Variants in ASXL3 observed in about 807,000 individuals in gnomAD.
ASXL3 encodes the protein ASXL transcriptional regulator 3.
Under a neutral mutation model 170.6 loss-of-function variants are expected in ASXL3, and 34 were observed. The ratio of observed to expected loss-of-function variants is 0.20; its 90% CI spans 0.15 to 0.27. ASXL3 has a LOEUF of 0.27. Among genes scored for constraint, ASXL3 ranks in the 10% least tolerant of loss-of-function variants. The pLI, the probability that ASXL3 is intolerant of heterozygous loss-of-function variation, is 1.00. For synonymous variants in ASXL3, 1,002 were observed against 989.1 expected (o/e 1.01, Z -0.24); for missense variants, 2,592 against 2,695.3 (o/e 0.96, Z 0.85).
rs1265524560 is a variant in ASXL3 at position 33,744,718 on chromosome 18, C to T, written c.4870C>T (p.His1624Tyr). Residue 1624 changes from histidine (H) to tyrosine (Y), a missense_variant, in exon 12 of 12, where the codon CAC becomes TAC. His to Tyr is a moderately conservative substitution (Grantham distance 83). This residue lies in a region of ASXL3 where 2,246 missense variants were observed against 2,219.6 expected (regional missense o/e 1.01). Coordinates refer to ENST00000269197, the MANE Select transcript of ASXL3 (RefSeq NM_030632.3). ...MRSTGQPLVT[H>Y]SGSSKQKEYL... ...GAGCACAGGACAGCCTCTGGTTACTCACTCGGGTTCAAGTAAACAAAAAGA... is the reference window on the plus strand; with the variant it reads ...GAGCACAGGACAGCCTCTGGTTACTTACTCGGGTTCAAGTAAACAAAAAGA... 1.9e-6 allele frequency: 3 copies of T among 1,613,020 alleles called. No homozygotes were observed. Among genetic ancestry groups the T allele is most frequent in the Non-Finnish European group, 2.5e-6 (3 of 1,179,454 alleles).
rs567969303 is a variant in ASXL3 at position 33,590,111 on chromosome 18, G to GTTTTTTTTTTTTTTTTTTTTTTTTTTT, written c.54+11445_54+11446insTTTTTTTTTTTTTTTTTTTTTTTTTTT. On this transcript the variant is annotated intron_variant, in intron 1 of 11. Coordinates refer to ENST00000269197, the MANE Select transcript of ASXL3 (RefSeq NM_030632.3). ...TGTCGTCAAGGTATTTGCTTTCTAT[G>GTTTTTTTTTTTTTTTTTTTTTTTTTTT]TTTTTTTTTTTTTTTTTTTGCTTTG... is the stretch of plus-strand genomic sequence containing the variant. Among the ~76,000 whole-genome samples, 62 of 83,160 alleles carry GTTTTTTTTTTTTTTTTTTTTTTTTTTT rather than the reference G, an allele frequency of 7.5e-4. 3 individuals carry two copies. Among genetic ancestry groups the GTTTTTTTTTTTTTTTTTTTTTTTTTTT allele is most frequent in the African/African-American group, 2.3e-3 (34 of 14,540 alleles). 54.6% of individuals were successfully genotyped at this position (83,160 alleles called of 152,430 possible). A position where few individuals can be genotyped will look rare whatever the true frequency, so the allele number is the denominator to read the frequency against.
At chr18:33,693,303 CAGTT>C (rs2066716040) in intron 8 of ASXL3, among the ~76,000 whole-genome samples, 2 of 151,898 alleles carry the variant, frequency 1.3e-5, no homozygotes, top group African/African-American at 4.8e-5. Context: ...AAAATTGAGG[CAGTT>C]AATTGGAGAA....
intron 5 of ASXL3, among the ~76,000 whole-genome samples, chr18:33,664,266 G>C (rs1474719173): frequency 6.6e-6 from 1 of 152,150 alleles, no homozygotes; most frequent in Non-Finnish European, 1.5e-5. Context: ...CAGAACCGTA[G>C]TTTCAGATTC....
chr18:33,606,132 T>A (rs537573769), intron 1 of ASXL3, among the ~76,000 whole-genome samples: 1 of 152,094 alleles, frequency 6.6e-6, no homozygotes, highest in South Asian at 2.1e-4. Flanking sequence ...TGCAGTTTCC[T>A]TATTGCCTTT....
intron 8 of ASXL3, among the ~76,000 whole-genome samples, chr18:33,717,298 C>A (rs2067180113): frequency 6.6e-6 from 1 of 152,078 alleles, no homozygotes; most frequent in Non-Finnish European, 1.5e-5. Context: ...ATTGTTGCTT[C>A]TTAAATATCA....
intron 1 of ASXL3, among the ~76,000 whole-genome samples, chr18:33,582,455 G>A (rs1436672094): frequency 6.6e-6 from 1 of 152,088 alleles, no homozygotes; most frequent in African/African-American, 2.4e-5. Context: ...TTTGAGAAGT[G>A]CTTTTTGATA....
chr18:33,686,883 C>G (rs907978641), intron 8 of ASXL3, among the ~76,000 whole-genome samples: 1 of 152,116 alleles, frequency 6.6e-6, no homozygotes, highest in Non-Finnish European at 1.5e-5. Context: ...TCCTTAATTT[C>G]TTTTTTGGGA....
intron 1 of ASXL3, among the ~76,000 whole-genome samples, chr18:33,593,564 G>T (rs4344827): frequency 0.42 from 63,856 of 151,928 alleles, 13,743 homozygotes; most frequent in Middle Eastern, 0.48. Flanking sequence ...GGAATGTGTT[G>T]ACCACATGCA....
chr18:33,682,015 A>G (rs1192760534), intron 7 of ASXL3, among the ~76,000 whole-genome samples: 1 of 152,096 alleles, frequency 6.6e-6, no homozygotes, highest in Non-Finnish European at 1.5e-5. Context: ...CTGTTCTTTT[A>G]TCATGGTATC....
rs1252020320 is a variant in ASXL3 at position 33,652,536 on chromosome 18, T to G, written c.355+6183T>G. 3.5e-5 allele frequency among the ~76,000 whole-genome samples: 5 copies of G among 143,676 alleles called. No homozygotes were observed. The Admixed American group carries it at 3.6e-4, about 10-fold the overall frequency. The allele number at this position is 143,676 out of a possible 152,430, so 94.3% of individuals were successfully genotyped here. On this transcript the variant is annotated intron_variant, in intron 4 of 11. Transcript: ENST00000269197. The stretch of plus-strand genomic sequence containing the variant: ...AAAAGGTTCTGCTTGCTATTAACCC[T>G]AATGGCTTTCAGGGAGGAAGCAGCA...
chr18:33,730,949 G>A (rs1477060824), intron 8 of ASXL3, among the ~76,000 whole-genome samples: 2 of 152,100 alleles, frequency 1.3e-5, no homozygotes, highest in African/African-American at 2.4e-5. Context: ...TCATGATCTC[G>A]AATCTGTGGC....
chr18:33,712,912 T>C (rs1388412631), intron 8 of ASXL3, among the ~76,000 whole-genome samples: 1 of 152,164 alleles, frequency 6.6e-6, no homozygotes, highest in Non-Finnish European at 1.5e-5. Flanking sequence ...AGTTGTGCAG[T>C]ACTTCTGTTT....
At chr18:33,627,555 T>A (rs1180176629) in intron 2 of ASXL3, among the ~76,000 whole-genome samples, 31 of 152,178 alleles carry the variant, frequency 2.0e-4, no homozygotes, top group Non-Finnish European at 1.5e-5. Flanking sequence ...GCTGAAGTTG[T>A]AGTCTCCTTG....
intron 2 of ASXL3, among the ~76,000 whole-genome samples, chr18:33,633,156 A>G (rs1189914174): frequency 6.6e-6 from 1 of 152,160 alleles, no homozygotes; most frequent in Non-Finnish European, 1.5e-5. Flanking sequence ...GTCATTAACT[A>G]GTTACTTTCA....
chr18:33,661,142 C>G (rs947800273), intron 4 of ASXL3, among the ~76,000 whole-genome samples: 3 of 152,108 alleles, frequency 2.0e-5, no homozygotes, highest in African/African-American at 4.8e-5. Context: ...AAACATGTCC[C>G]ATAGGTCACA....
chr18:33,691,171 A>G (rs2066681117), intron 8 of ASXL3, among the ~76,000 whole-genome samples: 2 of 152,178 alleles, frequency 1.3e-5, no homozygotes, highest in Non-Finnish European at 2.9e-5. Context: ...ATTGAGCATC[A>G]TATCCTCCCT....
intron 2 of ASXL3, among the ~76,000 whole-genome samples, chr18:33,634,136 T>C (rs573529480): frequency 1.2e-4 from 19 of 152,232 alleles, no homozygotes; most frequent in African/African-American, 3.9e-4. Context: ...TTTTGCACTT[T>C]CCATGTAATT....
intron 7 of ASXL3, among the ~76,000 whole-genome samples, chr18:33,678,086 T>G (rs1350385463): frequency 7.1e-6 from 1 of 140,276 alleles, no homozygotes; most frequent in African/African-American, 3.1e-5. Context: ...TATTATTTAT[T>G]TATTTATTTA....
intron 8 of ASXL3, among the ~76,000 whole-genome samples, chr18:33,696,847 T>A (rs2066781402): frequency 6.6e-6 from 1 of 152,160 alleles, no homozygotes; most frequent in Non-Finnish European, 1.5e-5. Context: ...CTCAATGATG[T>A]ATCACCAAAC....
Sources: gnomAD v4.1 joint callset for allele counts (sites outside exome capture counted in the v4.1 genomes callset) on GRCh38, gnomAD v4.1.1 for gene constraint, gnomAD v4.1.1 regional missense constraint, MANE v1.5 for transcripts, NCBI Gene and HGNC (gene_info 2026-07-23, HGNC 2026-07-21) for gene names.